TOP3B: variants seen among roughly 807,000 people sequenced by gnomAD.
TOP3B encodes DNA topoisomerase III beta, also known as DNA topoisomerase 3-beta-1.
A neutral mutation model predicts 93.9 loss-of-function variants in TOP3B; 45 were observed. The observed-to-expected ratio is 0.48, with a 90% CI of 0.38 to 0.61. The LOEUF is 0.61. Among genes scored for constraint, TOP3B ranks in the 20% least tolerant of loss-of-function variants. TOP3B has a pLI of 0.00. For missense variants in TOP3B, 750 were observed against 1,156.1 expected (o/e 0.65, Z 5.09); for synonymous variants, 357 against 472.6 (o/e 0.76, Z 3.17).
chr22:21,970,272 G>A lies in TOP3B; in HGVS notation c.519C>T (p.Asn173=), dbSNP rs1257838634. The change falls in exon 6 of 18, where the codon AAC becomes AAT. Residue 173 remains asparagine (N), a synonymous_variant. Coordinates refer to ENST00000357179, the MANE Select transcript of TOP3B (RefSeq NM_001282112.2). The surrounding 1 kb of genome is among the most constrained non-coding windows in gnomAD (Gnocchi z 4.4). ...GGCGAGCATCCACTGAGAGCGCCTCGTTGTGGTCAGGCTCGCCTAGGCAGG... is the reference window on the plus strand; with the variant it reads ...GGCGAGCATCCACTGAGAGCGCCTCATTGTGGTCAGGCTCGCCTAGGCAGG... ...AMACLGEPDH[N]EALSVDARQE... 23 of 1,613,868 alleles carry A rather than the reference G, an allele frequency of 1.4e-5. No homozygotes were observed. The East Asian group carries it at 2.7e-4, about 19-fold the overall frequency.
At chr22:21,968,948 T>C in intron 6 of TOP3B, 173 bp from the exon 7 acceptor site, 1 of 638,454 alleles carries the variant, frequency 1.6e-6, no homozygotes, top group Non-Finnish European at 2.7e-6. Flanking sequence ...GGAGGATTCA[T>C]GTGTGTACAT....
chr22:21,959,968 C>G (rs1029192485), intron 14 of TOP3B: 1 of 653,756 alleles, frequency 1.5e-6, no homozygotes, highest in Non-Finnish European at 2.6e-6. Context: ...CAGGGATGTC[C>G]TGTGGCTAGA....
intron 17 of TOP3B, chr22:21,958,166 T>A (rs1250884283): frequency 7.9e-7 from 1 of 1,267,192 alleles, no homozygotes; most frequent in Non-Finnish European, 1.0e-6. Flanking sequence ...GGACGCTGAC[T>A]GGGGGTGCCC....
rs369682746 is a variant in TOP3B at position 21,962,842 on chromosome 22, G to A, written c.1256C>T (p.Thr419Met). 87 of 1,613,932 alleles carry A rather than the reference G, an allele frequency of 5.4e-5. No individual in the cohort carries two copies. The highest frequency in any genetic ancestry group is 6.8e-5 in the Non-Finnish European group (80 of 1,180,030). Residue 419 changes from threonine to methionine, a missense_variant, in exon 12 of 18, where the codon ACG becomes ATG. Physicochemically the swap from Thr to Met is moderately conservative, Grantham distance 81. Transcript: ENST00000357179. ...YEYITRHFIATVSHDCKYLQS... is the reference protein window; with the variant it reads ...YEYITRHFIAMVSHDCKYLQS... ...CAGGTACTTGCAGTCATGGCTGACC[G>A]TGGCGATGAAGTGTCTGGTGATGTA...
At chr22:21,960,257 G>A (rs1569141548) in intron 14 of TOP3B, 64 bp downstream of exon 14, 5 of 1,608,402 alleles carry the variant, frequency 3.1e-6, no homozygotes, top group South Asian at 1.1e-5. Flanking sequence ...GGGCAGCAGA[G>A]CCAACATCCA....
rs746616308 is a variant in TOP3B at position 21,972,690 on chromosome 22, G to C, written c.231C>G (p.Asp77Glu). The C allele has an allele frequency of 7.2e-5, 117 of 1,613,834 alleles. No homozygotes were observed. Among genetic ancestry groups the C allele is most frequent in the Non-Finnish European group, 9.5e-5 (112 of 1,179,968 alleles). ...GAGCTTGGCTGAACAGTTCTGCGGG[G>C]TCCACTTTGTCCCATTTGTTGTATT... ...LGKYNKWDKV[D>E]PAELFSQAPT... The change falls in exon 4 of 18, where the codon GAC (aspartate) becomes GAG (glutamate). Residue 77 changes from aspartate to glutamate, a missense_variant. By Grantham distance (45) the Asp-to-Glu change is conservative (BLOSUM62 2). This residue lies in a region of TOP3B where 737 missense variants were observed against 933.7 expected (regional missense o/e 0.79). Transcript: ENST00000357179.
chr22:21,963,929 C>T lies in TOP3B; in HGVS notation c.1198G>A (p.Glu400Lys), dbSNP rs143054499. ...ITPMKSATEAELGGDAWRLYE... is the reference protein window; with the variant it reads ...ITPMKSATEAKLGGDAWRLYE... The stretch of plus-strand genomic sequence containing the variant: ...TATGGGATGAGAGCGGTACCTAATT[C>T]GGCCTCTGTGGCAGACTTCATGGGG... The change falls in exon 11 of 18, where the codon GAA (glutamate) becomes AAA (lysine). Residue 400 changes from glutamate (E) to lysine (K), a missense_variant. Around this residue, in one of 4 missense-constraint regions of TOP3B, gnomAD observed 737 missense variants for 933.7 expected, o/e 0.79. Coordinates refer to ENST00000357179, the MANE Select transcript of TOP3B (RefSeq NM_001282112.2). The surrounding 1 kb of genome is among the most constrained non-coding windows in gnomAD (Gnocchi z 4.8). 7.4e-5 allele frequency: 120 copies of T among 1,613,584 alleles called. No homozygotes were observed. The highest frequency in any genetic ancestry group is 9.6e-5 in the Non-Finnish European group (113 of 1,179,954).
chr22:21,957,314 G>A lies in TOP3B; in HGVS notation c.2389C>T (p.His797Tyr), dbSNP rs139955785. ...KSPLPGDETQHMGCVFCDPVF... is the reference protein window; with the variant it reads ...KSPLPGDETQYMGCVFCDPVF... ...GGGTCACAAAAGACGCAGCCCATGT[G>A]CTGCGTCTCATCGCCCGGGAGTGGG... Residue 797 changes from histidine to tyrosine, a missense_variant, in exon 18 of 18, where the codon CAC becomes TAC. Physicochemically the swap from His to Tyr is moderately conservative, Grantham distance 83 (BLOSUM62 2). This residue lies in a region of TOP3B where 13 missense variants were observed against 58.8 expected (regional missense o/e 0.22). Coordinates refer to ENST00000357179, the MANE Select transcript of TOP3B (RefSeq NM_001282112.2). 7.4e-6 allele frequency: 12 copies of A among 1,611,564 alleles called. No individual in the cohort carries two copies. The highest frequency in any genetic ancestry group is 1.0e-5 in the Non-Finnish European group (12 of 1,179,476).
At chr22:21,967,414 T>C (rs2071456709) in intron 8 of TOP3B, 189 bp downstream of exon 8, 6 of 596,766 alleles carry the variant, frequency 1.0e-5, no homozygotes, top group African/African-American at 1.9e-5. Context: ...ACTGTGACTA[T>C]TGCACTGGGC....
At chr22:21,968,870 T>TGAA in intron 6 of TOP3B, 95 bp from the exon 7 acceptor site, 1 of 1,405,970 alleles carries the variant, frequency 7.1e-7, no homozygotes, top group South Asian at 1.2e-5. Context: ...GGGTGGTGCA[T>TGAA]GAAGGAGGTG....
intron 12 of TOP3B, 35 bp downstream of exon 12, chr22:21,962,712 G>A: frequency 6.2e-7 from 1 of 1,612,684 alleles, no homozygotes; most frequent in Non-Finnish European, 8.5e-7. Flanking sequence ...TGCCCATGAA[G>A]GCACAGAGGA....
intron 7 of TOP3B, 48 bp from the exon 8 acceptor site, chr22:21,967,764 G>A: frequency 6.7e-7 from 1 of 1,486,714 alleles, no homozygotes; most frequent in Non-Finnish European, 9.4e-7. Context: ...AAGTCTCCAG[G>A]TGAGCCCAAC....
In TOP3B at chr22:21,971,425, G is replaced by C; in HGVS notation, c.384+452C>G. 1 of 315,766 alleles carries C rather than the reference G, an allele frequency of 3.2e-6. No homozygotes were observed. Among genetic ancestry groups the C allele is most frequent in the Non-Finnish European group, 6.2e-6 (1 of 161,542 alleles). The allele number at this position is 315,766 out of a possible 1,614,324, so 19.6% of individuals were successfully genotyped here. ...CACCTGCTTCTCTGCAGGGCTCCCA[G>C]GGTTGGCTGGAGGCAGGAGGCATCC... is the stretch of plus-strand genomic sequence containing the variant. On this transcript the variant is annotated intron_variant, in intron 5 of 17. Coordinates refer to ENST00000357179, the MANE Select transcript of TOP3B (RefSeq NM_001282112.2). This position sits in a 1 kb window ranked among gnomAD's most constrained non-coding sequence, Gnocchi z 4.6.
At chr22:21,969,269 G>C (rs563810057) in intron 6 of TOP3B, 2 of 153,838 alleles carry the variant, frequency 1.3e-5, no homozygotes, top group South Asian at 2.0e-4. Flanking sequence ...CCAAGTAACT[G>C]GGACTACAGG....
chr22:21,978,445 T>C (rs1419471885), intron 1 of TOP3B, among the ~76,000 whole-genome samples: 1 of 152,196 alleles, frequency 6.6e-6, no homozygotes, highest in Non-Finnish European at 1.5e-5. Context: ...CCCATGGCTT[T>C]GGCTTAGGCA....
At chr22:21,967,875 G>T in intron 7 of TOP3B, 159 bp from the exon 8 acceptor site, 1 of 603,954 alleles carries the variant, frequency 1.7e-6, no homozygotes, top group African/African-American at 1.8e-5. Context: ...GGGCAGATAC[G>T]CAAGCTGACA....
At chr22:21,977,038 T>C (rs2071901458) in intron 1 of TOP3B, 1 of 152,066 alleles carries the variant, frequency 6.6e-6, no homozygotes, top group Non-Finnish European at 1.5e-5. Context: ...AAGCCAGGTG[T>C]GGTAGCACAT....
rs1363296491 is a variant in TOP3B, at chr22:21,974,692, T to G, written c.71-204A>C. On this transcript the variant is annotated intron_variant, in intron 2 of 17. Transcript: ENST00000357179. The stretch of plus-strand genomic sequence containing the variant: ...GGGAAAACAGCATCTGCCAACAACC[T>G]AGCACAGAGCACTCTCGATGCAGAG... 1.6e-5 allele frequency: 8 copies of G among 509,070 alleles called. No homozygotes were observed. The South Asian group carries it at 2.0e-4, about 12-fold the overall frequency. 31.5% of individuals were successfully genotyped at this position (509,070 alleles called of 1,614,324 possible). A position where few individuals can be genotyped will look rare whatever the true frequency, so the allele number is the denominator to read the frequency against.
chr22:21,969,939 T>C, intron 6 of TOP3B: 1 of 257,856 alleles, frequency 3.9e-6, no homozygotes, highest in South Asian at 1.1e-4. Context: ...AATTTTTTTT[T>C]TTTTTTTTTT....
Sources: gnomAD v4.1 joint callset for allele counts (sites outside exome capture counted in the v4.1 genomes callset) on GRCh38, gnomAD v4.1.1 for gene constraint, gnomAD v4.1.1 regional missense constraint, Gnocchi (gnomAD v3.1) non-coding constraint, MANE v1.5 for transcripts, NCBI Gene and HGNC (gene_info 2026-07-23, HGNC 2026-07-21) for gene names.